The following WWOX variants were observed in gnomAD, a reference collection of about 807,000 sequenced individuals.
The protein encoded by WWOX is WW domain containing oxidoreductase, also known as WW domain-containing oxidoreductase.
WWOX carries 69 observed loss-of-function variants against 46.2 expected under a neutral mutation model. The observed-to-expected ratio is 1.49, with a 90% CI of 1.23 to 1.82. The LOEUF (loss-of-function observed/expected upper bound fraction) is 1.82. WWOX is among the 40% of genes most tolerant of loss of function. The pLI is 0.00. For synonymous variants in WWOX, 359 were observed against 202.6 expected (o/e 1.77, Z -6.56); for missense variants, 919 against 542.6 (o/e 1.69, Z -6.89).
At chr16:78,132,150 G>A (rs1452227979) in intron 4 of WWOX, among the ~76,000 whole-genome samples, 1 of 149,730 alleles carries the variant, frequency 6.7e-6, no homozygotes. Context: ...TCAGCCTCCC[G>A]AGTAGCTGGG....
chr16:78,872,181 G>A (rs2044143346), intron 8 of WWOX, among the ~76,000 whole-genome samples: 1 of 152,196 alleles, frequency 6.6e-6, no homozygotes. Context: ...GTCTAACAGT[G>A]CAACCCATAG....
At chr16:78,923,497 A>G (rs2045427067) in intron 8 of WWOX, among the ~76,000 whole-genome samples, 1 of 151,966 alleles carries the variant, frequency 6.6e-6, no homozygotes, top group Non-Finnish European at 1.5e-5. Flanking sequence ...TGGGATTGGG[A>G]GTCAGAATAT....
chr16:78,587,818 G>A (rs2045252556), intron 8 of WWOX, among the ~76,000 whole-genome samples: 1 of 152,118 alleles, frequency 6.6e-6, no homozygotes, highest in African/African-American at 2.4e-5. Flanking sequence ...CCTGGTAATT[G>A]TGCAAAATGT....
At chr16:78,937,645 G>C (rs60797347) in intron 8 of WWOX, among the ~76,000 whole-genome samples, 1 of 141,850 alleles carries the variant, frequency 7.0e-6, no homozygotes, top group South Asian at 2.2e-4. Context: ...TTATTTATGA[G>C]ACAAGGTCTC....
At chr16:78,642,728 CTG>C (rs1241506192) in intron 8 of WWOX, among the ~76,000 whole-genome samples, 3 of 152,102 alleles carry the variant, frequency 2.0e-5, no homozygotes, top group East Asian at 3.9e-4. Context: ...TCTGCTGAGG[CTG>C]TGTGTGGGTG....
At chr16:78,902,253 A>T (rs936861307) in intron 8 of WWOX, among the ~76,000 whole-genome samples, 7 of 152,198 alleles carry the variant, frequency 4.6e-5, no homozygotes, top group Non-Finnish European at 7.4e-5. Flanking sequence ...TTTGCCACCA[A>T]ACCCCACCAA....
chr16:78,269,554 G>T (rs779538823), intron 5 of WWOX, among the ~76,000 whole-genome samples: 2 of 152,140 alleles, frequency 1.3e-5, no homozygotes, highest in Non-Finnish European at 2.9e-5. Context: ...CTGGTGACTC[G>T]GAGATCAGCA....
intron 5 of WWOX, among the ~76,000 whole-genome samples, chr16:78,356,257 TCATATA>T (rs1293084122): frequency 6.6e-6 from 1 of 152,016 alleles, no homozygotes; most frequent in Non-Finnish European, 1.5e-5. Context: ...AATATATGTA[TCATATA>T]CATATATATC....
intron 6 of WWOX, among the ~76,000 whole-genome samples, chr16:78,418,238 C>T (rs1282996084): frequency 6.6e-6 from 1 of 152,032 alleles, no homozygotes; most frequent in African/African-American, 2.4e-5. Context: ...GTGGCGGGCA[C>T]CTGTAGGCCC....
At chr16:78,419,705 T>C (rs1248365554) in intron 6 of WWOX, among the ~76,000 whole-genome samples, 1 of 126,294 alleles carries the variant, frequency 7.9e-6, no homozygotes, top group Non-Finnish European at 1.7e-5. Flanking sequence ...GAAGCAAACA[T>C]AGGGGTATAT....
chr16:78,382,367 A>G (rs1334678067), intron 5 of WWOX, among the ~76,000 whole-genome samples: 1 of 152,210 alleles, frequency 6.6e-6, no homozygotes, highest in Non-Finnish European at 1.5e-5. Context: ...AGAGGCTGGC[A>G]GTGTTACAGA....
At chr16:78,566,434 C>CA (rs1377721963) in intron 8 of WWOX, among the ~76,000 whole-genome samples, 1 of 152,160 alleles carries the variant, frequency 6.6e-6, no homozygotes, top group African/African-American at 2.4e-5. Context: ...TGAGTTCTGC[C>CA]AAAAACCAAG....
intron 8 of WWOX, among the ~76,000 whole-genome samples, chr16:78,511,489 G>A (rs1403233756): frequency 1.3e-5 from 2 of 152,354 alleles, no homozygotes; most frequent in African/African-American, 2.4e-5. Context: ...CAGAGGGCAG[G>A]CCTGTTGCCC....
chr16:78,112,869 T>C (rs952279629), intron 3 of WWOX, among the ~76,000 whole-genome samples: 3 of 151,744 alleles, frequency 2.0e-5, no homozygotes, highest in African/African-American at 7.3e-5. Flanking sequence ...CCAGCTAATT[T>C]TTAAAGACTT....
At chr16:78,648,847 T>C in intron 8 of WWOX, among the ~76,000 whole-genome samples, 1 of 152,256 alleles carries the variant, frequency 6.6e-6, no homozygotes, top group Non-Finnish European at 1.5e-5. Context: ...ATAAGTGACC[T>C]CTATTTGTTA....
intron 8 of WWOX, among the ~76,000 whole-genome samples, chr16:78,633,316 T>C (rs748536215): frequency 6.6e-6 from 1 of 152,100 alleles, no homozygotes; most frequent in African/African-American, 2.4e-5. Context: ...CATAAGTATC[T>C]TCTATGGGGC....
chr16:79,120,299 A>C (rs1176464601), intron 8 of WWOX, among the ~76,000 whole-genome samples: 2 of 152,174 alleles, frequency 1.3e-5, no homozygotes, highest in South Asian at 2.1e-4. Context: ...GTCATTCTCA[A>C]GGTATGCTCA....
intron 8 of WWOX, among the ~76,000 whole-genome samples, chr16:78,712,455 T>C (rs1259416997): frequency 1.3e-5 from 2 of 151,812 alleles, no homozygotes; most frequent in East Asian, 3.9e-4. Flanking sequence ...TCAGCCGAGA[T>C]TATACCACTG....
intron 8 of WWOX, among the ~76,000 whole-genome samples, chr16:78,882,841 A>AAG (rs1567624201): frequency 1.3e-5 from 2 of 151,434 alleles, no homozygotes; most frequent in African/African-American, 4.8e-5. Flanking sequence ...AAAAAAAAAA[A>AAG]GGGCATTAAT....
Sources: allele counts gnomAD v4.1 joint callset (sites outside exome capture counted in the v4.1 genomes callset), GRCh38; gene constraint gnomAD v4.1.1; transcripts MANE v1.5; gene names NCBI Gene and HGNC (gene_info 2026-07-23, HGNC 2026-07-21).